NCOR2: variants seen among roughly 807,000 people sequenced by gnomAD.
The protein encoded by NCOR2 is CTG repeat protein 26.
A neutral mutation model predicts 262.9 loss-of-function variants in NCOR2; 81 were observed. That is an observed-to-expected ratio of 0.31 (90% CI 0.26 to 0.37). The LOEUF (loss-of-function observed/expected upper bound fraction) is 0.37, where lower values mean the gene tolerates loss of function less well. NCOR2 is among the 10% of genes least tolerant of loss of function. NCOR2 has a pLI of 1.00. For missense variants in NCOR2, 3,385 were observed against 3,621.4 expected (o/e 0.93, Z 1.68); for synonymous variants, 1,659 against 1,559.3 (o/e 1.06, Z -1.51).
chr12:124,358,166 C>T (rs2038154746), intron 22 of NCOR2, among the ~76,000 whole-genome samples: 1 of 143,640 alleles, frequency 7.0e-6, no homozygotes, highest in African/African-American at 2.6e-5. Flanking sequence ...TGTGCCTGTA[C>T]ACAATGTTGA....
intron 1 of NCOR2, among the ~76,000 whole-genome samples, chr12:124,560,729 C>T (rs2052041195): frequency 6.6e-6 from 1 of 152,184 alleles, no homozygotes; most frequent in Non-Finnish European, 1.5e-5. Flanking sequence ...GCTGTGACTG[C>T]CTCGGGGAAC....
intron 37 of NCOR2, 113 bp downstream of exon 39, chr12:124,339,893 G>GGCCCCCCCCC: frequency 1.2e-5 from 7 of 565,996 alleles, no homozygotes; most frequent in Non-Finnish European, 1.8e-5. Context: ...CCACACATCT[G>GGCCCCCCCCC]CCCACCCACC....
At chr12:124,425,896 T>C (rs760937104) in intron 11 of NCOR2, among the ~76,000 whole-genome samples, 1 of 152,110 alleles carries the variant, frequency 6.6e-6, no homozygotes, top group Non-Finnish European at 1.5e-5. Flanking sequence ...CTGGCTGAGC[T>C]GTCATAAGGG....
At chr12:124,347,572 C>T in intron 30 of NCOR2, 1 of 504,950 alleles carries the variant, frequency 2.0e-6, no homozygotes, top group South Asian at 2.8e-5. Flanking sequence ...GTGCCAAGCA[C>T]AGGACAGTTG....
At chr12:124,558,844 G>A (rs1483835310) in intron 1 of NCOR2, among the ~76,000 whole-genome samples, 2 of 152,134 alleles carry the variant, frequency 1.3e-5, no homozygotes, top group African/African-American at 4.8e-5. Flanking sequence ...TGAGCCACGT[G>A]TCACTCATCA....
At chr12:124,402,780 G>T (rs2042053458) in intron 13 of NCOR2, among the ~76,000 whole-genome samples, 1 of 152,178 alleles carries the variant, frequency 6.6e-6, no homozygotes, top group Non-Finnish European at 1.5e-5. Flanking sequence ...GCCTGGGGAG[G>T]CGGAGTCGGG....
At chr12:124,337,733 G>C (rs542068358) in intron 37 of NCOR2, among the ~76,000 whole-genome samples, 1 of 152,080 alleles carries the variant, frequency 6.6e-6, no homozygotes, top group South Asian at 2.1e-4. Flanking sequence ...TGGGCGTTGA[G>C]AACAGAGAAA....
At chr12:124,472,749 T>TTGCA (rs1445516675) in intron 4 of NCOR2, among the ~76,000 whole-genome samples, 7 of 152,240 alleles carry the variant, frequency 4.6e-5, no homozygotes, top group African/African-American at 1.7e-4. Flanking sequence ...CAGTGGAACA[T>TTGCA]GGCTATCCTG....
intron 16 of NCOR2, among the ~76,000 whole-genome samples, chr12:124,396,388 A>G (rs915714194): frequency 1.3e-5 from 2 of 152,234 alleles, no homozygotes; most frequent in African/African-American, 4.8e-5. Flanking sequence ...GAATCACACA[A>G]TTTCAATAAA....
At chr12:124,355,329 G>A in intron 24 of NCOR2, 103 bp downstream of exon 26, 1 of 1,419,628 alleles carries the variant, frequency 7.0e-7, no homozygotes, top group Non-Finnish European at 9.6e-7. Context: ...AGATGACCCA[G>A]GCCCCCGAGA....
chr12:124,448,345 CA>C (rs1307209325), intron 7 of NCOR2, among the ~76,000 whole-genome samples: 1 of 152,166 alleles, frequency 6.6e-6, no homozygotes, highest in Non-Finnish European at 1.5e-5. Context: ...AGGGGTAGCC[CA>C]ATTGGAAGAC....
chr12:124,332,564 G>A, intron 42 of NCOR2, 97 bp from the exon 45 acceptor site: 2 of 1,536,622 alleles, frequency 1.3e-6, no homozygotes, highest in Non-Finnish European at 1.8e-6. Context: ...TTAGACATTT[G>A]GAAGCAAGCT....
intron 1 of NCOR2, among the ~76,000 whole-genome samples, chr12:124,491,811 C>T (rs2048095482): frequency 6.6e-6 from 1 of 152,222 alleles, no homozygotes; most frequent in Non-Finnish European, 1.5e-5. Context: ...GAGACCCTCG[C>T]TTCCCCAGGA....
chr12:124,484,849 T>C (rs1243525955), intron 2 of NCOR2, among the ~76,000 whole-genome samples: 1 of 152,226 alleles, frequency 6.6e-6, no homozygotes, highest in Non-Finnish European at 1.5e-5. Context: ...TCACCTGTCT[T>C]GTTCATGGCT....
At chr12:124,348,293 C>T in exon 29 of NCOR2, 5 of 1,611,396 alleles carry the variant, frequency 3.1e-6, no homozygotes, top group South Asian at 1.1e-5. Context: ...CTCCTTGGAG[C>T]ACTGGGTCAC....
At position 124,504,768 on chromosome 12, in the gene NCOR2, A is replaced by G. The variant is rs2048954126; in HGVS notation, c.-117-9400T>C. Among the ~76,000 whole-genome samples the G allele has an allele frequency of 6.6e-6, 1 of 152,228 alleles. No homozygotes were observed. Among genetic ancestry groups the G allele is most frequent in the Non-Finnish European group, 1.5e-5 (1 of 68,032 alleles). The stretch of plus-strand genomic sequence containing the variant: ...CCTGAAGACATGGCACAAAAGGCAA[A>G]GAAGCCGCTCAGAAAGGCCACGCAC... On this transcript the variant is annotated intron_variant, in intron 1 of 46. Transcript: ENST00000404621. The surrounding 1 kb of genome is among the most constrained non-coding windows in gnomAD (Gnocchi z 4.5).
intron 19 of NCOR2, among the ~76,000 whole-genome samples, chr12:124,373,216 C>G (rs570432470): frequency 1.4e-5 from 2 of 146,538 alleles, no homozygotes; most frequent in African/African-American, 5.5e-5. Context: ...ACAGGGGACC[C>G]GGGCACAGTG....
At position 124,531,602 on chromosome 12, in the gene NCOR2, A is replaced by G. The variant is rs1448600440; in HGVS notation, c.-118+3963T>C. On this transcript the variant is annotated intron_variant, in intron 1 of 46. Coordinates refer to the NCOR2 transcript ENST00000404621. This position sits in a 1 kb window ranked among gnomAD's most constrained non-coding sequence, Gnocchi z 4.5. ...CAGGCTGGGAAGGAGAGAGAGGAGG[A>G]TGGCAGAGAGGGAAGGGTGGTGGCG... Among the ~76,000 whole-genome samples, 1 of 151,694 alleles carries G rather than the reference A, an allele frequency of 6.6e-6. No individual in the cohort carries two copies. Among genetic ancestry groups the G allele is most frequent in the East Asian group, 1.9e-4 (1 of 5,158 alleles).
At chr12:124,327,697 CGACAGAGAGAGAGAA>C (rs1285945646) in intron 44 of NCOR2, 64 bp from the exon 47 acceptor site, 3 of 1,186,864 alleles carry the variant, frequency 2.5e-6, no homozygotes, top group Admixed American at 2.0e-5. Context: ...GCCAGAGGGG[CGACAGAGAGAGAGAA>C]GGGAGAGAGA....
Sources: allele counts gnomAD v4.1 joint callset (sites outside exome capture counted in the v4.1 genomes callset), GRCh38; gene constraint gnomAD v4.1.1; non-coding constraint Gnocchi (gnomAD v3.1); transcripts MANE v1.5; gene names NCBI Gene and HGNC (gene_info 2026-07-23, HGNC 2026-07-21).